The following WDR49 variants were observed in gnomAD, a reference collection of about 807,000 sequenced individuals.
WDR49 encodes the protein cilia- and flagella-associated protein 337.
In WDR49, 107 loss-of-function variants were observed where a neutral mutation model predicts 119.5. The ratio of observed to expected loss-of-function variants is 0.90; its 90% CI spans 0.77 to 1.05. WDR49 has a LOEUF of 1.05. Ranked by LOEUF, WDR49 falls within the 50% of genes least tolerant of loss-of-function variation. The pLI is 0.00. For synonymous variants in WDR49, 425 were observed against 418.8 expected, an observed-to-expected ratio of 1.01 and a Z score of -0.18; for missense variants, 1,240 against 1,220.5, an observed-to-expected ratio of 1.02 and a Z score of -0.24.
chr3:167,633,250 T>C (rs1717455708), intron 2 of WDR49, among the ~76,000 whole-genome samples: 2 of 152,018 alleles, frequency 1.3e-5, no homozygotes, highest in African/African-American at 2.4e-5. Flanking sequence ...ACCAGCAGAA[T>C]GGTCTGAAAT....
At chr3:167,587,474 A>C (rs1377144261) in intron 7 of WDR49, among the ~76,000 whole-genome samples, 1 of 152,026 alleles carries the variant, frequency 6.6e-6, no homozygotes, top group African/African-American at 2.4e-5. Flanking sequence ...CTGAAAAGAC[A>C]CTGACCTTTT....
At chr3:167,487,299 A>G (rs1750963020) in intron 18 of WDR49, among the ~76,000 whole-genome samples, 1 of 152,166 alleles carries the variant, frequency 6.6e-6, no homozygotes, top group Non-Finnish European at 1.5e-5. Flanking sequence ...TGTTCAATAA[A>G]TGGTGCTGAG....
Position 167,528,801 on chromosome 3 carries a change from C to T in WDR49, c.2406+251G>A, listed in dbSNP as rs919445729. 2.0e-5 allele frequency among the ~76,000 whole-genome samples: 3 copies of T among 152,014 alleles called. No homozygotes were observed. In the East Asian group the frequency reaches 5.8e-4, roughly 29 times the overall value. On this transcript the variant is annotated intron_variant, in intron 14 of 18. Transcript: ENST00000682715. ...ATTCAAATAATGCTGCAGTGCTTTA[C>T]TAACAATATTGCATTTCTAAATTGG...
At chr3:167,587,364 A>C (rs1298443376) in intron 7 of WDR49, among the ~76,000 whole-genome samples, 1 of 152,248 alleles carries the variant, frequency 6.6e-6, no homozygotes, top group Non-Finnish European at 1.5e-5. Flanking sequence ...TTGATACTTT[A>C]GACTCAAAGT....
intron 7 of WDR49, among the ~76,000 whole-genome samples, chr3:167,588,539 T>A (rs1190310095): frequency 2.0e-5 from 3 of 152,144 alleles, no homozygotes; most frequent in African/African-American, 7.2e-5. Context: ...CCAATTTACA[T>A]TCCTACCAAC....
rs759556108 is a variant in WDR49, at chr3:167,554,649, C to G, written c.1823+1G>C. 5.4e-6 allele frequency: 8 copies of G among 1,470,174 alleles called. No individual in the cohort carries two copies. The African/African-American group carries it at 1.1e-4, about 21-fold the overall frequency. 91.1% of individuals were successfully genotyped at this position (1,470,174 alleles called of 1,614,324 possible). ...TAAAATAAAAACATTCTCCTTTTTA[C>G]CTTCCTATAGTTTTCCATGAGGCAT... On this transcript the variant is annotated splice_donor_variant, in intron 10 of 18. Coordinates refer to ENST00000682715, the MANE Select transcript of WDR49 (RefSeq NM_001366157.1). LOFTEE classifies it high-confidence loss of function.
At position 167,612,217 on chromosome 3, in the gene WDR49, T is replaced by C. The variant is rs148638097; in HGVS notation, c.959-7749A>G. ...ATACAAATACATAGAAATTAAACAATAGTCTCTTGAATGACCAGTGAGTCA... is the reference window on the plus strand; with the variant it reads ...ATACAAATACATAGAAATTAAACAACAGTCTCTTGAATGACCAGTGAGTCA... On this transcript the variant is annotated intron_variant, in intron 5 of 18. Coordinates refer to ENST00000682715, the MANE Select transcript of WDR49 (RefSeq NM_001366157.1). 3.6e-3 allele frequency among the ~76,000 whole-genome samples: 543 copies of C among 152,152 alleles called. 2 individuals carry two copies. Among genetic ancestry groups the C allele is most frequent in the Middle Eastern group, 6.8e-3 (2 of 294 alleles).
At chr3:167,642,377 A>G (rs1297479914) in intron 2 of WDR49, among the ~76,000 whole-genome samples, 2 of 152,006 alleles carry the variant, frequency 1.3e-5, no homozygotes, top group East Asian at 1.9e-4. Context: ...ACTATTTCAT[A>G]TACATTACAG....
rs559780410 is a variant in WDR49 at position 167,490,280 on chromosome 3, A to G, written c.3031+9873T>C. Among the ~76,000 whole-genome samples, 3 of 152,272 alleles carry G rather than the reference A, an allele frequency of 2.0e-5. No homozygotes were observed. In the South Asian group the frequency reaches 6.2e-4, roughly 32 times the overall value. On this transcript the variant is annotated intron_variant, in intron 18 of 18. Coordinates refer to ENST00000682715, the MANE Select transcript of WDR49 (RefSeq NM_001366157.1). ...TTCACATATTAATGACTTCTGTTTT[A>G]TAGACCCAAAATTTTGGTCTGTGTG...
At position 167,576,114 on chromosome 3, in the gene WDR49, A is replaced by G. The variant is rs747869314; in HGVS notation, c.1313T>C (p.Ile438Thr). ...RLWDIQHQLS[I>T]QRIACSFPKS... ...GGGGAAAGAACAAGCTATCCTCTGG[A>G]TGGACAGCTGGTGTTGAATATCCCA... The change falls in exon 8 of 19, where the codon ATC (isoleucine) becomes ACC (threonine). Residue 438 changes from isoleucine to threonine, a missense_variant. Coordinates refer to ENST00000682715, the MANE Select transcript of WDR49 (RefSeq NM_001366157.1). The G allele has an allele frequency of 5.0e-6, 8 of 1,613,996 alleles. No individual in the cohort carries two copies. The highest frequency in any genetic ancestry group is 6.8e-6 in the Non-Finnish European group (8 of 1,180,012).
intron 2 of WDR49, among the ~76,000 whole-genome samples, chr3:167,652,013 T>C (rs985045632): frequency 6.6e-6 from 1 of 152,222 alleles, no homozygotes; most frequent in Admixed American, 6.5e-5. Context: ...TCTGCTGTTA[T>C]GTTTTACTGA....
chr3:167,520,569 G>T (rs1752400730), intron 16 of WDR49, among the ~76,000 whole-genome samples: 1 of 152,072 alleles, frequency 6.6e-6, no homozygotes, highest in Non-Finnish European at 1.5e-5. Context: ...AATGCCACTT[G>T]ACATTTCTGC....
At chr3:167,583,019 A>G (rs74286630) in intron 7 of WDR49, among the ~76,000 whole-genome samples, 10 of 149,980 alleles carry the variant, frequency 6.7e-5, no homozygotes, top group South Asian at 6.3e-4. Context: ...GAGAGAGAGA[A>G]AAACAAATTT....
At chr3:167,585,029 G>T (rs1459523910) in intron 7 of WDR49, among the ~76,000 whole-genome samples, 1 of 151,226 alleles carries the variant, frequency 6.6e-6, no homozygotes, top group African/African-American at 2.4e-5. Context: ...TTTAAATTTT[G>T]TTTTTTTCAT....
chr3:167,621,285 G>A (rs1454708097), intron 4 of WDR49, among the ~76,000 whole-genome samples, 182 bp downstream of exon 4: 1 of 152,020 alleles, frequency 6.6e-6, no homozygotes, highest in Non-Finnish European at 1.5e-5. Context: ...ACACAATTAA[G>A]ATTTGTTTTT....
chr3:167,570,260 G>A (rs1286739554), intron 8 of WDR49, among the ~76,000 whole-genome samples: 1 of 152,156 alleles, frequency 6.6e-6, no homozygotes, highest in Non-Finnish European at 1.5e-5. Context: ...GCCCTGAAAA[G>A]GTAGACTGTC....
At chr3:167,523,224 T>C (rs1178570773) in intron 15 of WDR49, among the ~76,000 whole-genome samples, 2 of 152,026 alleles carry the variant, frequency 1.3e-5, no homozygotes, top group Admixed American at 1.3e-4. Context: ...TATCAATGAA[T>C]GAATTGAACC....
At chr3:167,520,388 G>C (rs1560265219) in intron 16 of WDR49, among the ~76,000 whole-genome samples, 1 of 152,108 alleles carries the variant, frequency 6.6e-6, no homozygotes, top group Non-Finnish European at 1.5e-5. Flanking sequence ...AAAATGATCT[G>C]TCTGTGTTAC....
intron 10 of WDR49, 147 bp downstream of exon 10, chr3:167,554,503 T>C (rs1712797320): frequency 8.6e-6 from 4 of 463,314 alleles, no homozygotes; most frequent in Non-Finnish European, 1.5e-5. Flanking sequence ...TCTTCTAATA[T>C]TTTATTCACT....
Sources: allele counts gnomAD v4.1 joint callset (sites outside exome capture counted in the v4.1 genomes callset), GRCh38; gene constraint gnomAD v4.1.1; transcripts MANE v1.5; gene names NCBI Gene and HGNC (gene_info 2026-07-23, HGNC 2026-07-21).